Variants in OR51B5 observed in about 807,000 individuals in gnomAD.
OR51B5 encodes the protein olfactory receptor 51B5.
For missense variants in OR51B5, 456 were observed against 374.6 expected, an observed-to-expected ratio of 1.22 and a Z score of -1.79; for synonymous variants, 186 against 144.8, an observed-to-expected ratio of 1.28 and a Z score of -2.04.
At chr11:5,375,276 C>A (rs1849507135) in intron 1 of OR51B5, among the ~76,000 whole-genome samples, 3 of 151,224 alleles carry the variant, frequency 2.0e-5, no homozygotes, top group Admixed American at 2.0e-4. Flanking sequence ...TACAGACAAG[C>A]AAATGCTGAG....
At chr11:5,365,797 A>G (rs901894581) in intron 1 of OR51B5, among the ~76,000 whole-genome samples, 6 of 152,202 alleles carry the variant, frequency 3.9e-5, no homozygotes, top group South Asian at 2.1e-4. Flanking sequence ...CATTACCCAC[A>G]TTGTCTAGCA....
chr11:5,397,353 T>A (rs1849891952), intron 1 of OR51B5, among the ~76,000 whole-genome samples: 1 of 151,742 alleles, frequency 6.6e-6, no homozygotes, highest in Non-Finnish European at 1.5e-5. Flanking sequence ...CAAACAAATT[T>A]ACAAGAGAAA....
chr11:5,379,842 C>T (rs531941999), intron 1 of OR51B5, among the ~76,000 whole-genome samples: 5 of 152,232 alleles, frequency 3.3e-5, no homozygotes, highest in East Asian at 3.9e-4. Context: ...CTCTCCCTGG[C>T]GTCCTCTCTC....
intron 1 of OR51B5, among the ~76,000 whole-genome samples, chr11:5,463,976 A>T (rs1851095480): frequency 6.6e-6 from 1 of 152,244 alleles, no homozygotes. Flanking sequence ...TGAGGACAGA[A>T]CAACAGCTTA....
At chr11:5,436,411 GCT>G (rs1850596396) in intron 1 of OR51B5, among the ~76,000 whole-genome samples, 2 of 152,202 alleles carry the variant, frequency 1.3e-5, no homozygotes, top group South Asian at 2.1e-4. Context: ...TGGTCTTTCA[GCT>G]CTCTTTCTGC....
intron 1 of OR51B5, among the ~76,000 whole-genome samples, chr11:5,492,926 C>G (rs59143167): frequency 0.22 from 33,939 of 152,050 alleles, 4,032 homozygotes; most frequent in African/African-American, 0.31. Flanking sequence ...TGAGCCACCA[C>G]ACCCAGCCAG....
chr11:5,462,076 A>T (rs12577995), intron 1 of OR51B5, among the ~76,000 whole-genome samples: 1 of 152,022 alleles, frequency 6.6e-6, no homozygotes, highest in African/African-American at 2.4e-5. Context: ...AAAATCAAAT[A>T]CTGAACATAG....
rs1849780392 is a variant in OR51B5, at chr11:5,390,547, T to G, written n.85-43637A>C. On this transcript the variant is annotated intron_variant and non_coding_transcript_variant, in intron 1 of 4. Coordinates refer to the OR51B5 transcript ENST00000415970. ...TTGTGGCTTTAAAAAACTGAACTTC[T>G]CTTGCTTAGATTTTAATGGCTCCTC... The G allele has an allele frequency of 5.1e-5, 31 of 602,470 alleles. 1 individual carries two copies. In the South Asian group the frequency reaches 7.8e-4, roughly 15 times the overall value. 37.3% of individuals were successfully genotyped at this position (602,470 alleles called of 1,614,324 possible).
intron 1 of OR51B5, chr11:5,391,132 C>T (rs1464933506): frequency 6.6e-6 from 1 of 152,206 alleles, no homozygotes; most frequent in Non-Finnish European, 1.5e-5. Context: ...AAAGCTTCAG[C>T]CAAGGAAACT....
At chr11:5,473,059 T>C (rs1233862865) in intron 1 of OR51B5, among the ~76,000 whole-genome samples, 1 of 152,194 alleles carries the variant, frequency 6.6e-6, no homozygotes, top group Non-Finnish European at 1.5e-5. Flanking sequence ...TAAATGAATG[T>C]CATTAAGAAA....
intron 1 of OR51B5, among the ~76,000 whole-genome samples, chr11:5,451,765 G>A (rs756083253): frequency 6.6e-6 from 1 of 152,130 alleles, no homozygotes; most frequent in Non-Finnish European, 1.5e-5. Flanking sequence ...GTTAGAGGTT[G>A]GAGAGGAAAG....
intron 1 of OR51B5, among the ~76,000 whole-genome samples, chr11:5,414,475 G>C (rs1041336075): frequency 6.6e-6 from 1 of 151,858 alleles, no homozygotes; most frequent in Non-Finnish European, 1.5e-5. Context: ...CCAATTAAAA[G>C]ACACAGACTG....
At chr11:5,388,479 G>A (rs1376836981) in intron 1 of OR51B5, among the ~76,000 whole-genome samples, 1 of 150,438 alleles carries the variant, frequency 6.6e-6, no homozygotes, top group Non-Finnish European at 1.5e-5. Flanking sequence ...AAGATTAAGG[G>A]AAAGCTATTT....
intron 1 of OR51B5, among the ~76,000 whole-genome samples, chr11:5,479,778 A>G (rs888475823): frequency 2.8e-5 from 4 of 144,996 alleles, no homozygotes; most frequent in African/African-American, 1.0e-4. Flanking sequence ...CCATTACATA[A>G]TGGTAAAGGG....
chr11:5,495,079 A>G (rs1396210290), intron 1 of OR51B5, among the ~76,000 whole-genome samples: 1 of 152,210 alleles, frequency 6.6e-6, no homozygotes, highest in African/African-American at 2.4e-5. Context: ...CCAACTACCC[A>G]TAAACAAGAA....
At chr11:5,376,000 G>A (rs1849521624) in intron 1 of OR51B5, among the ~76,000 whole-genome samples, 1 of 151,204 alleles carries the variant, frequency 6.6e-6, no homozygotes, top group South Asian at 2.1e-4. Context: ...CAAATCAACA[G>A]AATATACATT....
chr11:5,422,452 G>A lies in OR51B5; in HGVS notation n.85-75542C>T, dbSNP rs151161477. ...CCCTCACCACCCTACCCACAGTCAT[G>A]CAGCTTCTCTGGTTCAACGTTCGTA... On this transcript the variant is annotated intron_variant and non_coding_transcript_variant, in intron 1 of 4. Coordinates refer to the OR51B5 transcript ENST00000415970. 15,947 of 1,614,200 alleles carry A rather than the reference G, an allele frequency of 9.9e-3. 101 individuals are homozygous for A. The highest frequency in any genetic ancestry group is 0.012 in the Non-Finnish European group (14,225 of 1,180,032).
chr11:5,474,330 A>G (rs1047895263), intron 1 of OR51B5, among the ~76,000 whole-genome samples: 1 of 152,070 alleles, frequency 6.6e-6, no homozygotes, highest in Non-Finnish European at 1.5e-5. Flanking sequence ...TACTCCCCCC[A>G]ACACACACAC....
At chr11:5,381,655 A>C (rs1295073039) in intron 1 of OR51B5, among the ~76,000 whole-genome samples, 1 of 152,246 alleles carries the variant, frequency 6.6e-6, no homozygotes, top group Non-Finnish European at 1.5e-5. Flanking sequence ...AATGCACGTC[A>C]ATGAAAATTG....
Sources: allele counts gnomAD v4.1 joint callset (sites outside exome capture counted in the v4.1 genomes callset), GRCh38; gene constraint gnomAD v4.1.1; transcripts MANE v1.5; gene names NCBI Gene and HGNC (gene_info 2026-07-23, HGNC 2026-07-21).